SYNE2: variants seen among roughly 807,000 people sequenced by gnomAD.
The protein encoded by SYNE2 is spectrin repeat containing nuclear envelope protein 2, also known as nesprin-2.
SYNE2 carries 431 observed loss-of-function variants against 856.3 expected under a neutral mutation model. That is an observed-to-expected ratio of 0.50 (90% CI 0.47 to 0.55). SYNE2 has a LOEUF of 0.55. Ranked by LOEUF, SYNE2 falls within the 20% of genes least tolerant of loss-of-function variation. The pLI is 0.00. For synonymous variants in SYNE2, 2,923 were observed against 2,872.3 expected (o/e 1.02, Z -0.56); for missense variants, 8,129 against 8,023.2 (o/e 1.01, Z -0.50).
At chr14:63,948,942 C>T (rs920789002) in intron 6 of SYNE2, among the ~76,000 whole-genome samples, 1 of 151,130 alleles carries the variant, frequency 6.6e-6, no homozygotes, top group African/African-American at 2.4e-5. Context: ...ATTGCTGCAG[C>T]TTGATTTATG....
intron 108 of SYNE2, 153 bp downstream of exon 108, chr14:64,216,540 T>G: frequency 1.1e-6 from 1 of 884,318 alleles, no homozygotes; most frequent in Non-Finnish European, 1.8e-6. Context: ...TGTTGAGCTG[T>G]CCATACTTCA....
upstream of SYNE2, among the ~76,000 whole-genome samples, chr14:63,851,168 C>A (rs1188452677): frequency 6.6e-6 from 1 of 152,264 alleles, no homozygotes; most frequent in East Asian, 1.9e-4. Context: ...CAAGACCAGC[C>A]TGGCCAAGAT....
chr14:63,997,405 A>C lies in SYNE2; in HGVS notation c.3243+14A>C. 6.2e-7 allele frequency: 1 copy of C among 1,600,664 alleles called. No individual in the cohort carries two copies. The highest frequency in any genetic ancestry group is 8.5e-7 in the Non-Finnish European group (1 of 1,171,266). ...TCAACTGAAAAGGTGTTAAATGTGGATAATGTATTTTAGAAGTAAACCCAA... is the reference window on the plus strand; with the variant it reads ...TCAACTGAAAAGGTGTTAAATGTGGCTAATGTATTTTAGAAGTAAACCCAA... On this transcript the variant is annotated intron_variant, in intron 25 of 115. Coordinates refer to ENST00000555002, the MANE Select transcript of SYNE2 (RefSeq NM_182914.3).
intron 2 of SYNE2, among the ~76,000 whole-genome samples, chr14:63,940,023 C>T (rs1043972850): frequency 6.6e-6 from 1 of 150,956 alleles, no homozygotes; most frequent in Non-Finnish European, 1.5e-5. Context: ...TGTTGCTGCT[C>T]ACAGTTCTTT....
upstream of SYNE2, among the ~76,000 whole-genome samples, chr14:63,852,663 A>G (rs1890644232): frequency 6.6e-6 from 1 of 152,200 alleles, no homozygotes; most frequent in South Asian, 2.1e-4. Context: ...TCCAAGACCC[A>G]GGAATCTACG....
chr14:64,031,649 G>C (rs2097036600), intron 45 of SYNE2, among the ~76,000 whole-genome samples: 1 of 152,112 alleles, frequency 6.6e-6, no homozygotes, highest in South Asian at 2.1e-4. Context: ...AGGCAAATTA[G>C]AAAAGGCGAA....
chr14:63,816,609 T>C lies in SYNE2; in HGVS notation c.-304-35892T>C, dbSNP rs539510329. On this transcript the variant is annotated intron_variant, in intron 1 of 23. Coordinates refer to the SYNE2 transcript ENST00000674003. ...TAAAGCTCGTCATAAGACCCTCATA[T>C]AAGAGGTGTCTTTTCTGTAGCTTTA... is the stretch of plus-strand genomic sequence containing the variant. Among the ~76,000 whole-genome samples the C allele has an allele frequency of 5.3e-5, 8 of 152,300 alleles. No homozygotes were observed. The South Asian group carries it at 1.5e-3, about 28-fold the overall frequency.
In SYNE2 at chr14:63,935,360, G is replaced by C. The variant is rs1021844463; in HGVS notation, c.80-5254G>C. 2.0e-5 allele frequency among the ~76,000 whole-genome samples: 3 copies of C among 152,192 alleles called. No individual in the cohort carries two copies. In the South Asian group the frequency reaches 6.2e-4, roughly 31 times the overall value. The stretch of plus-strand genomic sequence containing the variant: ...TGGATTAAAAAGGAAAAAAATTCCA[G>C]TGAGGCTTGGTGCATCTTTAATCTC... On this transcript the variant is annotated intron_variant, in intron 2 of 115. Coordinates refer to ENST00000555002, the MANE Select transcript of SYNE2 (RefSeq NM_182914.3).
chr14:64,195,368 C>T (rs1279435654), intron 99 of SYNE2, among the ~76,000 whole-genome samples: 1 of 152,064 alleles, frequency 6.6e-6, no homozygotes, highest in Non-Finnish European at 1.5e-5. Flanking sequence ...ATTTTATGTT[C>T]TCTCCTGAAT....
At chr14:63,972,162 T>G (rs2096484354) in intron 11 of SYNE2, among the ~76,000 whole-genome samples, 1 of 152,216 alleles carries the variant, frequency 6.6e-6, no homozygotes. Context: ...CATTGTCAGT[T>G]TCTATTCTGA....
chr14:63,866,501 C>CT (rs1030495143), intron 1 of SYNE2, among the ~76,000 whole-genome samples: 12 of 151,784 alleles, frequency 7.9e-5, no homozygotes, highest in African/African-American at 1.7e-4. Flanking sequence ...CATCTCTATT[C>CT]TTTTTTTTAA....
upstream of SYNE2, among the ~76,000 whole-genome samples, chr14:63,847,991 AT>A (rs1331534711): frequency 6.6e-6 from 1 of 152,032 alleles, no homozygotes; most frequent in Non-Finnish European, 1.5e-5. Context: ...AGTTCAAGCG[AT>A]TCTCCTGCCT....
chr14:64,032,909 A>G (rs1163114867), intron 45 of SYNE2, among the ~76,000 whole-genome samples: 1 of 152,202 alleles, frequency 6.6e-6, no homozygotes, highest in Non-Finnish European at 1.5e-5. Context: ...GGCTCACACC[A>G]CTAATCTCGG....
intron 87 of SYNE2, 137 bp downstream of exon 87, chr14:64,159,579 T>G (rs2098312342): frequency 3.0e-6 from 3 of 988,832 alleles, no homozygotes; most frequent in African/African-American, 3.2e-5. Context: ...CTCTTCTGCT[T>G]TGATGAATCT....
chr14:63,973,492 T>A (rs2096497032), intron 11 of SYNE2, among the ~76,000 whole-genome samples: 1 of 150,646 alleles, frequency 6.6e-6, no homozygotes, highest in African/African-American at 2.4e-5. Flanking sequence ...ATTAGCCAGG[T>A]GTGGTGGTGT....
At chr14:63,855,588 T>G (rs771801931) in intron 1 of SYNE2, among the ~76,000 whole-genome samples, 3 of 152,200 alleles carry the variant, frequency 2.0e-5, no homozygotes, top group Non-Finnish European at 4.4e-5. Flanking sequence ...TCTGACCCCC[T>G]TCACTTCTTT....
At chr14:64,038,793 G>A (rs1052772720) in intron 45 of SYNE2, among the ~76,000 whole-genome samples, 4 of 152,240 alleles carry the variant, frequency 2.6e-5, no homozygotes, top group Non-Finnish European at 5.9e-5. Context: ...GATGGCAGCA[G>A]TACAGTCCAG....
chr14:63,778,664 A>G (rs1370623001), intron 1 of SYNE2, among the ~76,000 whole-genome samples: 2 of 152,012 alleles, frequency 1.3e-5, no homozygotes, highest in East Asian at 3.9e-4. Context: ...ACAGGCATGC[A>G]CCACCATGCC....
chr14:64,160,693 A>G (rs1262002902), intron 87 of SYNE2, among the ~76,000 whole-genome samples: 1 of 152,210 alleles, frequency 6.6e-6, no homozygotes, highest in East Asian at 1.9e-4. Flanking sequence ...CATGTATTTC[A>G]TGTTAGAATG....
Sources: gnomAD v4.1 joint callset for allele counts (sites outside exome capture counted in the v4.1 genomes callset) on GRCh38, gnomAD v4.1.1 for gene constraint, MANE v1.5 for transcripts, NCBI Gene and HGNC (gene_info 2026-07-23, HGNC 2026-07-21) for gene names.